Variants in SNTG1 observed in about 807,000 individuals in gnomAD.
SNTG1 encodes gamma-1-syntrophin.
SNTG1 carries 39 observed loss-of-function variants against 74.7 expected under a neutral mutation model. That is an observed-to-expected ratio of 0.52 (90% CI 0.40 to 0.68). SNTG1 has a LOEUF of 0.68. Ranked by LOEUF, SNTG1 falls within the 30% of genes least tolerant of loss-of-function variation. The pLI is 0.00. For missense variants in SNTG1, 685 were observed against 609.5 expected (o/e 1.12, Z -1.30); for synonymous variants, 254 against 217.1 (o/e 1.17, Z -1.49).
At chr8:50,631,807 C>T (rs2094999877) in intron 13 of SNTG1, among the ~76,000 whole-genome samples, 1 of 152,144 alleles carries the variant, frequency 6.6e-6, no homozygotes, top group African/African-American at 2.4e-5. Context: ...CTATTCATCC[C>T]ATTTGCAGTT....
chr8:50,568,211 A>G (rs2130737656), intron 12 of SNTG1, among the ~76,000 whole-genome samples: 1 of 83,848 alleles, frequency 1.2e-5, no homozygotes, highest in East Asian at 5.7e-4. Context: ...GCTGAATAGT[A>G]TTCCATTGTC....
intron 2 of SNTG1, among the ~76,000 whole-genome samples, chr8:50,393,654 T>C (rs555644931): frequency 6.6e-6 from 1 of 152,202 alleles, no homozygotes; most frequent in Non-Finnish European, 1.5e-5. Flanking sequence ...ATTTTAGATA[T>C]TTTATACATT....
chr8:50,521,065 A>G (rs2094175309), intron 9 of SNTG1, among the ~76,000 whole-genome samples: 1 of 152,216 alleles, frequency 6.6e-6, no homozygotes. Flanking sequence ...AATGTGGCAC[A>G]TATACACCAT....
At chr8:50,507,494 A>T (rs60603399) in intron 9 of SNTG1, among the ~76,000 whole-genome samples, 1 of 151,936 alleles carries the variant, frequency 6.6e-6, no homozygotes, top group African/African-American at 2.4e-5. Context: ...TAATGATTCA[A>T]TTTCCTTACT....
At chr8:50,485,749 C>T (rs1587783055) in intron 8 of SNTG1, among the ~76,000 whole-genome samples, 2 of 151,360 alleles carry the variant, frequency 1.3e-5, no homozygotes, top group African/African-American at 2.4e-5. Context: ...CTTGCCCATA[C>T]CTATGTCCTG....
At chr8:50,299,073 A>G (rs188568459) in intron 2 of SNTG1, among the ~76,000 whole-genome samples, 2 of 152,332 alleles carry the variant, frequency 1.3e-5, no homozygotes, top group East Asian at 3.9e-4. Flanking sequence ...AAGTAATTAC[A>G]AAGTAATTGC....
intron 18 of SNTG1, among the ~76,000 whole-genome samples, chr8:50,769,132 C>A (rs73577108): frequency 0.094 from 14,179 of 151,414 alleles, 1,959 homozygotes; most frequent in African/African-American, 0.3. Flanking sequence ...AATTTCTCTA[C>A]CCGTTTGTGT....
chr8:50,646,558 A>AT (rs2095110304), intron 13 of SNTG1, among the ~76,000 whole-genome samples: 1 of 152,086 alleles, frequency 6.6e-6, no homozygotes, highest in South Asian at 2.1e-4. Context: ...AGAATTTGCC[A>AT]TTTTTTCAGT....
At chr8:50,677,945 A>G (rs1302939521) in intron 15 of SNTG1, among the ~76,000 whole-genome samples, 1 of 151,900 alleles carries the variant, frequency 6.6e-6, no homozygotes, top group Admixed American at 6.6e-5. Flanking sequence ...ACATGAACAA[A>G]GGGAGGGGAA....
At chr8:50,206,797 G>T (rs960976434) in intron 2 of SNTG1, among the ~76,000 whole-genome samples, 1 of 152,112 alleles carries the variant, frequency 6.6e-6, no homozygotes, top group Non-Finnish European at 1.5e-5. Flanking sequence ...TTTTGTCAAA[G>T]GCCTTTTCTG....
intron 17 of SNTG1, among the ~76,000 whole-genome samples, chr8:50,733,951 T>C (rs1312165293): frequency 6.6e-6 from 1 of 151,846 alleles, no homozygotes; most frequent in African/African-American, 2.4e-5. Context: ...ATTTCCAAAA[T>C]TACTAAAAAT....
At chr8:50,491,609 C>T (rs1486326917) in intron 8 of SNTG1, 13 of 152,274 alleles carry the variant, frequency 8.5e-5, no homozygotes, top group African/African-American at 2.9e-4. Context: ...AGGGCGACCC[C>T]GTGGAAGGAC....
At chr8:50,688,666 A>G (rs1385270201) in intron 15 of SNTG1, among the ~76,000 whole-genome samples, 1 of 152,142 alleles carries the variant, frequency 6.6e-6, no homozygotes, top group African/African-American at 2.4e-5. Context: ...GTAGCCTTGT[A>G]GTATAGTATG....
intron 9 of SNTG1, among the ~76,000 whole-genome samples, chr8:50,523,764 A>C (rs2094198766): frequency 6.6e-6 from 1 of 152,214 alleles, no homozygotes; most frequent in South Asian, 2.1e-4. Flanking sequence ...ATGCAGAGAC[A>C]CAAAGTGACC....
intron 8 of SNTG1, among the ~76,000 whole-genome samples, chr8:50,484,939 C>G (rs2093777640): frequency 6.6e-6 from 1 of 152,022 alleles, no homozygotes; most frequent in South Asian, 2.1e-4. Flanking sequence ...CTTGTCTGCC[C>G]ATCTGCAAGA....
chr8:50,363,442 C>G (rs537642715), intron 2 of SNTG1, among the ~76,000 whole-genome samples: 19 of 152,218 alleles, frequency 1.2e-4, no homozygotes, highest in African/African-American at 4.6e-4. Context: ...CTGGTCATTG[C>G]AATCAGGCTT....
rs1374343084 is a variant in SNTG1, at chr8:50,796,550, G to T, written c.*3721G>T. ...TATTTATTTCATTTTTAATTGTTTT[G>T]GTGGATGTTTGTAAAATGTAAATTA... On this transcript the variant is annotated 3_prime_UTR_variant, in exon 19 of 19. Coordinates refer to ENST00000642720, the MANE Select transcript of SNTG1 (RefSeq NM_018967.5). 1 of 151,704 alleles carries T rather than the reference G, an allele frequency of 6.6e-6. No homozygotes were observed. Among genetic ancestry groups the T allele is most frequent in the Admixed American group, 6.6e-5 (1 of 15,218 alleles). 9.4% of individuals were successfully genotyped at this position (151,704 alleles called of 1,614,324 possible).
rs1418917162 is a variant in SNTG1 at position 50,484,202 on chromosome 8, TTCCTTC to T, written c.364-18575_364-18570del. ...CTTCCTTCCTTCCTTCCTTCCTTCC[TTCCTTC>T]CTTCCTTCTTTCTTTCTTTTTTTTT... is the stretch of plus-strand genomic sequence containing the variant. On this transcript the variant is annotated intron_variant, in intron 8 of 18. Transcript: ENST00000642720. Among the ~76,000 whole-genome samples the T allele has an allele frequency of 6.7e-3, 885 of 132,006 alleles. 35 individuals carry two copies. The highest frequency in any genetic ancestry group is 0.012 in the African/African-American group (395 of 34,068). 86.6% of individuals were successfully genotyped at this position (132,006 alleles called of 152,430 possible).
At chr8:50,606,531 A>AT (rs1190035537) in intron 13 of SNTG1, among the ~76,000 whole-genome samples, 2 of 152,010 alleles carry the variant, frequency 1.3e-5, no homozygotes, top group African/African-American at 2.4e-5. Flanking sequence ...ATAAATATAA[A>AT]TATTTTGAAT....
Sources: gnomAD v4.1 joint callset for allele counts (sites outside exome capture counted in the v4.1 genomes callset) on GRCh38, gnomAD v4.1.1 for gene constraint, MANE v1.5 for transcripts, NCBI Gene and HGNC (gene_info 2026-07-23, HGNC 2026-07-21) for gene names.